Variants in SHCBP1L observed in about 807,000 individuals in gnomAD.
SHCBP1L encodes the protein testicular spindle-associated protein SHCBP1L.
SHCBP1L carries 67 observed loss-of-function variants against 62.5 expected under a neutral mutation model. The ratio of observed to expected loss-of-function variants is 1.07; its 90% CI spans 0.88 to 1.31. The LOEUF (loss-of-function observed/expected upper bound fraction) is 1.31, where lower values mean the gene tolerates loss of function less well. Among genes scored for constraint, SHCBP1L ranks in the 40% most tolerant of loss-of-function variants. The pLI is 0.00. For synonymous variants in SHCBP1L, 284 were observed against 289.4 expected (o/e 0.98, Z 0.19); for missense variants, 823 against 809.8 (o/e 1.02, Z -0.20).
chr1:182,912,457 T>C (rs886417190), intron 6 of SHCBP1L, among the ~76,000 whole-genome samples: 8 of 152,068 alleles, frequency 5.3e-5, no homozygotes, highest in Admixed American at 5.2e-4. Context: ...GAGGAGGGCA[T>C]GGGAGCTCTG....
At chr1:182,944,654 CTACT>C (rs1178456620) in intron 2 of SHCBP1L, among the ~76,000 whole-genome samples, 16 of 151,998 alleles carry the variant, frequency 1.1e-4, no homozygotes, top group African/African-American at 3.9e-4. Context: ...GCTTATATTG[CTACT>C]TAAAGTTTTG....
chr1:182,903,161 C>A lies in SHCBP1L; in HGVS notation c.1588G>T (p.Gly530Cys), dbSNP rs1320710413. 5.9e-6 allele frequency: 9 copies of A among 1,532,434 alleles called. No homozygotes were observed. The highest frequency in any genetic ancestry group is 7.9e-6 in the Non-Finnish European group (9 of 1,142,862). The allele number at this position is 1,532,434 out of a possible 1,614,324, so 94.9% of individuals were successfully genotyped here. Residue 530 changes from glycine (G) to cysteine (C), a missense_variant and splice_region_variant, in exon 9 of 10, where the codon GGT becomes TGT. By Grantham distance (159) the Gly-to-Cys change is radical (BLOSUM62 -3). Transcript: ENST00000367547. ...CCAGGATACAGTTCAACACCAGCACCCTGTAAATTAAAAGCAAATAAAACT... is the reference window on the plus strand; with the variant it reads ...CCAGGATACAGTTCAACACCAGCACACTGTAAATTAAAAGCAAATAAAACT... ...ITDSEITGAQ[G>C]AGVELYPGSI...
intron 2 of SHCBP1L, among the ~76,000 whole-genome samples, chr1:182,944,121 A>AAATAAAT (rs1651470848): frequency 6.0e-5 from 8 of 134,084 alleles, no homozygotes; most frequent in African/African-American, 2.3e-4. Flanking sequence ...ACTACTTCTC[A>AAATAAAT]AAATAAATAA....
chr1:182,907,942 A>G (rs150892895), intron 6 of SHCBP1L, among the ~76,000 whole-genome samples: 22 of 152,382 alleles, frequency 1.4e-4, no homozygotes, highest in Non-Finnish European at 2.5e-4. Context: ...ACAAAAATTG[A>G]AAAATTAACT....
intron 6 of SHCBP1L, among the ~76,000 whole-genome samples, chr1:182,906,939 T>A (rs541614388): frequency 6.6e-6 from 1 of 152,102 alleles, no homozygotes; most frequent in South Asian, 2.1e-4. Context: ...CACCTCAGCC[T>A]CCTGAGTAGC....
At chr1:182,910,077 A>G (rs1342500923) in intron 6 of SHCBP1L, among the ~76,000 whole-genome samples, 1 of 152,204 alleles carries the variant, frequency 6.6e-6, no homozygotes, top group Non-Finnish European at 1.5e-5. Flanking sequence ...GGAAGGAGAG[A>G]GTAGAGAGGA....
intron 6 of SHCBP1L, among the ~76,000 whole-genome samples, chr1:182,918,068 C>CTA (rs1179113265): frequency 2.0e-3 from 298 of 148,732 alleles, no homozygotes; most frequent in Admixed American, 3.3e-3. Flanking sequence ...CTCTCTCTCT[C>CTA]TATATATATA....
chr1:182,905,629 G>A lies in SHCBP1L; in HGVS notation c.1203C>T (p.Asp401=), dbSNP rs781503878. Residue 401 remains aspartate, a synonymous_variant, in exon 7 of 10, where the codon GAC becomes GAT. Transcript: ENST00000367547. ...AATCACCATGCTGTTGGAGAAGTGT[G>A]TCTGAAGATAAATCCTTTATCTAAA... is the stretch of plus-strand genomic sequence containing the variant. ...TTEMIKDLSS[D]TLLQQHGDLD... The A allele has an allele frequency of 2.9e-5, 46 of 1,613,054 alleles. No individual in the cohort carries two copies. The highest frequency in any genetic ancestry group is 3.7e-5 in the Non-Finnish European group (44 of 1,179,696).
rs114924077 is a variant in SHCBP1L, at chr1:182,920,720, A to T, written c.1182+8927T>A. Among the ~76,000 whole-genome samples the T allele has an allele frequency of 5.7e-3, 870 of 152,324 alleles. 8 individuals carry two copies. The highest frequency in any genetic ancestry group is 0.018 in the African/African-American group (760 of 41,572). On this transcript the variant is annotated intron_variant, in intron 6 of 9. Transcript: ENST00000367547. Reference sequence around the variant, plus strand: ...AACAGTCACTTTATGAAAGAATCAAACTGAACTGATGGAGCTGAAAAACTC... The same window carrying T: ...AACAGTCACTTTATGAAAGAATCAATCTGAACTGATGGAGCTGAAAAACTC...
At chr1:182,906,679 G>A (rs1650024913) in intron 6 of SHCBP1L, among the ~76,000 whole-genome samples, 1 of 151,110 alleles carries the variant, frequency 6.6e-6, no homozygotes, top group South Asian at 2.1e-4. Context: ...TGGTCCACCT[G>A]CCTCGGCCTC....
intron 2 of SHCBP1L, chr1:182,942,212 T>G: frequency 7.4e-7 from 1 of 1,343,876 alleles, no homozygotes; most frequent in Non-Finnish European, 1.1e-6. Context: ...GTTAGCCACT[T>G]CGGCCTGTTT....
intron 2 of SHCBP1L, among the ~76,000 whole-genome samples, chr1:182,945,594 C>A (rs1236632000): frequency 6.6e-6 from 1 of 152,108 alleles, no homozygotes; most frequent in African/African-American, 2.4e-5. Flanking sequence ...CCATTAACTT[C>A]CTAAGAAAGG....
chr1:182,952,595 C>T (rs1043470163), intron 1 of SHCBP1L, 134 bp downstream of exon 1: 2 of 1,037,956 alleles, frequency 1.9e-6, no homozygotes, highest in African/African-American at 1.7e-5. Flanking sequence ...ATGTTGACTC[C>T]ATTTACTTTT....
intron 5 of SHCBP1L, among the ~76,000 whole-genome samples, chr1:182,933,783 C>T (rs921353779): frequency 1.3e-5 from 2 of 151,980 alleles, no homozygotes; most frequent in African/African-American, 4.8e-5. Flanking sequence ...TAGTGATATT[C>T]GTGTAGGTTT....
chr1:182,953,120 G>GAGCCCGACGCCATCTCCTCAGC lies in SHCBP1L; in HGVS notation c.-9_13dup (p.Ser5CysfsTer2). On this transcript the variant is annotated stop_gained and frameshift_variant, in exon 1 of 10. Coordinates refer to ENST00000367547, the MANE Select transcript of SHCBP1L (RefSeq NM_030933.4). LOFTEE classifies it high-confidence loss of function. ...TGAGTCCGCGGGCACCGAGGCCTTGGAGCCCGACGCCATCTCCTCAGCAGC... is the reference window on the plus strand; with the variant it reads ...TGAGTCCGCGGGCACCGAGGCCTTGGAGCCCGACGCCATCTCCTCAGCAGCCCGACGCCATCTCCTCAGCAGC... 1 of 1,579,720 alleles carries GAGCCCGACGCCATCTCCTCAGC rather than the reference G, an allele frequency of 6.3e-7. No homozygotes were observed. The highest frequency in any genetic ancestry group is 1.1e-5 in the South Asian group (1 of 87,968).
intron 2 of SHCBP1L, chr1:182,942,217 C>G (rs1250791530): frequency 8.8e-6 from 12 of 1,359,350 alleles, no homozygotes; most frequent in African/African-American, 1.4e-5. Context: ...CCACTTCGGC[C>G]TGTTTTCCCT....
intron 6 of SHCBP1L, among the ~76,000 whole-genome samples, chr1:182,908,647 TA>T (rs1650089675): frequency 6.6e-6 from 1 of 152,220 alleles, no homozygotes; most frequent in African/African-American, 2.4e-5. Context: ...TTCTCACTCT[TA>T]TTTGGATGGT....
chr1:182,935,169 GCCTTTCCACATGAGT>G (rs1651128179), intron 5 of SHCBP1L, among the ~76,000 whole-genome samples: 6 of 152,062 alleles, frequency 3.9e-5, no homozygotes, highest in Non-Finnish European at 8.8e-5. Context: ...TAGGTTTCCT[GCCTTTCCACATGAGT>G]TTTAGAAACA....
chr1:182,936,130 G>GTTTTTTTTTTTTT (rs71127329), intron 5 of SHCBP1L, among the ~76,000 whole-genome samples: 12 of 63,970 alleles, frequency 1.9e-4, no homozygotes, highest in South Asian at 6.7e-4. Flanking sequence ...TTTGTTTTTT[G>GTTTTTTTTTTTTT]TTTTTTTTTT....
Sources: gnomAD v4.1 joint callset for allele counts (sites outside exome capture counted in the v4.1 genomes callset) on GRCh38, gnomAD v4.1.1 for gene constraint, MANE v1.5 for transcripts, NCBI Gene and HGNC (gene_info 2026-07-23, HGNC 2026-07-21) for gene names.